ATAD3B: variants seen among roughly 807,000 people sequenced by gnomAD.
ATAD3B encodes ATPase family AAA domain containing 3B.
A neutral mutation model predicts 70.2 loss-of-function variants in ATAD3B; 59 were observed. The ratio of observed to expected loss-of-function variants is 0.84; its 90% CI spans 0.68 to 1.04. The LOEUF (loss-of-function observed/expected upper bound fraction) is 1.04, where lower values mean the gene tolerates loss of function less well. Among genes scored for constraint, ATAD3B ranks in the 50% least tolerant of loss-of-function variants. ATAD3B has a pLI of 0.00. For missense variants in ATAD3B, 961 were observed against 913.4 expected (o/e 1.05, Z -0.67); for synonymous variants, 423 against 388.6 (o/e 1.09, Z -1.04).
At chr1:1,489,594 A>G in intron 13 of ATAD3B, 1 of 1,189,346 alleles carries the variant, frequency 8.4e-7, no homozygotes, top group Non-Finnish European at 1.2e-6. Context: ...GCTGCCGCCC[A>G]GAGGTCCCCA....
Position 1,489,299 on chromosome 1 carries a change from G to A in ATAD3B, c.1337+25G>A, listed in dbSNP as rs1640400925. 1.9e-6 allele frequency: 3 copies of A among 1,613,134 alleles called. No homozygotes were observed. The East Asian group carries it at 6.7e-5, about 36-fold the overall frequency. On this transcript the variant is annotated intron_variant, in intron 13 of 15. Transcript: ENST00000673477. ...AGTGAGGGAGCCCCTCGGGTCCTGA[G>A]CCCCCGGGCAGGGCTGTGCAGCCGT...
At chr1:1,489,620 CTA>C in intron 13 of ATAD3B, 1 of 1,313,740 alleles carries the variant, frequency 7.6e-7, no homozygotes, top group South Asian at 1.3e-5. Context: ...GTGACCGGCC[CTA>C]TGTCCAGGCT....
At chr1:1,480,065 A>G (rs1449677906) in intron 4 of ATAD3B, among the ~76,000 whole-genome samples, 1 of 144,588 alleles carries the variant, frequency 6.9e-6, no homozygotes, top group African/African-American at 2.6e-5. Context: ...GGGCACGCAC[A>G]CAGTCCCACA....
rs1390427944 is a variant in ATAD3B, at chr1:1,471,811, G to C, written c.-74G>C. 8.1e-7 allele frequency: 1 copy of C among 1,230,260 alleles called. No homozygotes were observed. The highest frequency in any genetic ancestry group is 1.6e-5 in the African/African-American group (1 of 63,422). The allele number at this position is 1,230,260 out of a possible 1,614,324, so 76.2% of individuals were successfully genotyped here. A position where few individuals can be genotyped will look rare whatever the true frequency, so the allele number is the denominator to read the frequency against. ...TGGCCACCGGCTCGCGGCGCGTGGA[G>C]GCTGCTCCCAGCCGCGCCCGAGTCA... On this transcript the variant is annotated 5_prime_UTR_variant, in exon 1 of 16. Coordinates refer to ENST00000673477, the MANE Select transcript of ATAD3B (RefSeq NM_031921.6).
chr1:1,495,413 C>G (rs919162580), intron 15 of ATAD3B, 72 bp from the exon 16 acceptor site: 3 of 1,523,786 alleles, frequency 2.0e-6, no homozygotes. Context: ...CTCCCCACCT[C>G]GGGGCCCTGG....
At chr1:1,478,997 C>G in intron 3 of ATAD3B, 52 bp from the exon 4 acceptor site, 1 of 884,786 alleles carries the variant, frequency 1.1e-6, no homozygotes, top group Non-Finnish European at 1.7e-6. Flanking sequence ...CCAGTCGGCC[C>G]AGACTGCAGC....
chr1:1,487,635 C>T (rs867103672), intron 11 of ATAD3B, among the ~76,000 whole-genome samples: 1 of 151,928 alleles, frequency 6.6e-6, no homozygotes, highest in Non-Finnish European at 1.5e-5. Flanking sequence ...GAGTCTGTTG[C>T]CCCCTGTGTA....
chr1:1,490,859 G>A lies in ATAD3B; in HGVS notation c.1614+188G>A, dbSNP rs865987048. On this transcript the variant is annotated intron_variant, in intron 15 of 15. Coordinates refer to ENST00000673477, the MANE Select transcript of ATAD3B (RefSeq NM_031921.6). Reference sequence around the variant, plus strand: ...TCCACGCAGCAGCGTGCACCTGCTCGTGCCCTCAGGAGGGTGGGGCCATGT... The same window carrying A: ...TCCACGCAGCAGCGTGCACCTGCTCATGCCCTCAGGAGGGTGGGGCCATGT... 7.2e-5 allele frequency among the ~76,000 whole-genome samples: 11 copies of A among 152,070 alleles called. 1 individual carries two copies. Among genetic ancestry groups the A allele is most frequent in the East Asian group, 3.9e-4 (2 of 5,190 alleles).
chr1:1,502,274 G>C (rs189949398), downstream of ATAD3B, among the ~76,000 whole-genome samples: 457 of 151,374 alleles, frequency 3.0e-3, 1 homozygote, highest in Admixed American at 5.3e-3. Context: ...GAGTGCAGTG[G>C]CATAACCTCG....
In ATAD3B at chr1:1,484,878, C is replaced by T. The variant is rs1211523169; in HGVS notation, c.751-138C>T. On this transcript the variant is annotated intron_variant, in intron 7 of 15. Transcript: ENST00000673477. ...GCTGTGGGATTCGGGGCTGGGAATTCGGGTTCCTGTGGGGCCAGCACACGG... is the reference window on the plus strand; with the variant it reads ...GCTGTGGGATTCGGGGCTGGGAATTTGGGTTCCTGTGGGGCCAGCACACGG... 5.6e-6 allele frequency: 8 copies of T among 1,429,078 alleles called. No individual in the cohort carries two copies. In the South Asian group the frequency reaches 5.9e-5, roughly 10 times the overall value. 88.5% of individuals were successfully genotyped at this position (1,429,078 alleles called of 1,614,324 possible).
At chr1:1,486,523 C>G (rs767788401) in intron 10 of ATAD3B, 21 bp from the exon 11 acceptor site, 1 of 1,611,698 alleles carries the variant, frequency 6.2e-7, no homozygotes. Context: ...TGTTCTGTCT[C>G]CCCTCACTCT....
At position 1,476,304 on chromosome 1, in the gene ATAD3B, C is replaced by T. The variant is rs545749688; in HGVS notation, c.206-970C>T. The stretch of plus-strand genomic sequence containing the variant: ...GTCTAAATGCAACGAGTGCTCCCCA[C>T]GGCACTTCCCCCTGCGTCAGTCACC... On this transcript the variant is annotated intron_variant, in intron 1 of 15. Coordinates refer to ENST00000673477, the MANE Select transcript of ATAD3B (RefSeq NM_031921.6). 2.0e-3 allele frequency among the ~76,000 whole-genome samples: 301 copies of T among 148,592 alleles called. 3 individuals carry two copies. The highest frequency in any genetic ancestry group is 7.1e-3 in the African/African-American group (278 of 39,138).
At position 1,473,789 on chromosome 1, in the gene ATAD3B, C is replaced by T. The variant is rs1240738; in HGVS notation, c.205+1700C>T. On this transcript the variant is annotated intron_variant, in intron 1 of 15. Transcript: ENST00000673477. The stretch of plus-strand genomic sequence containing the variant: ...GATTACAGTCCTGAGCCACCGCACC[C>T]TGCCAGCAGGGGTTCCTTTTTAGAA... Among the ~76,000 whole-genome samples the T allele has an allele frequency of 6.5e-3, 994 of 152,184 alleles. 11 individuals are homozygous for T. The highest frequency in any genetic ancestry group is 0.022 in the African/African-American group (910 of 41,538).
the ATAD3B span, among the ~76,000 whole-genome samples, chr1:1,506,125 T>C: frequency 3.3e-5 from 5 of 152,060 alleles, no homozygotes; most frequent in Admixed American, 2.0e-4. Flanking sequence ...CCTACCTACC[T>C]GGGAGGCTGA....
intron 1 of ATAD3B, among the ~76,000 whole-genome samples, chr1:1,477,070 G>C (rs1443870948): frequency 6.6e-6 from 1 of 151,886 alleles, no homozygotes; most frequent in Non-Finnish European, 1.5e-5. Flanking sequence ...GAGTGCAGCA[G>C]TGTGATCTGG....
At chr1:1,477,483 G>A in intron 2 of ATAD3B, 133 bp downstream of exon 2, 1 of 1,455,348 alleles carries the variant, frequency 6.9e-7, no homozygotes, top group Non-Finnish European at 9.4e-7. Context: ...GCCGAGCTTG[G>A]GCGCCTCATT....
intron 1 of ATAD3B, among the ~76,000 whole-genome samples, chr1:1,475,298 C>G (rs1399594271): frequency 6.6e-6 from 1 of 151,244 alleles, no homozygotes; most frequent in Admixed American, 6.6e-5. Flanking sequence ...TTCTCTCCTT[C>G]CTGGCCTCAC....
At position 1,496,405 on chromosome 1, in the gene ATAD3B, C is replaced by G. The variant is rs190486893; in HGVS notation, c.*588C>G. 1.9e-3 allele frequency: 459 copies of G among 242,872 alleles called. 1 individual carries two copies. Among genetic ancestry groups the G allele is most frequent in the African/African-American group, 9.8e-3 (424 of 43,092 alleles). The allele number at this position is 242,872 out of a possible 1,614,324, so 15.0% of individuals were successfully genotyped here. ...GCCCGGGACTGCCGCCTGCGCCCCACCAGCCCCTCCCTCCTGAAGGAGGGG... is the reference window on the plus strand; with the variant it reads ...GCCCGGGACTGCCGCCTGCGCCCCAGCAGCCCCTCCCTCCTGAAGGAGGGG... On this transcript the variant is annotated 3_prime_UTR_variant, in exon 16 of 16. Transcript: ENST00000673477.
At chr1:1,489,622 A>G (rs1459748573) in intron 13 of ATAD3B, 34 of 1,317,042 alleles carry the variant, frequency 2.6e-5, no homozygotes, top group Non-Finnish European at 3.0e-5. Flanking sequence ...GACCGGCCCT[A>G]TGTCCAGGCT....
Sources: allele counts gnomAD v4.1 joint callset (sites outside exome capture counted in the v4.1 genomes callset), GRCh38; gene constraint gnomAD v4.1.1; transcripts MANE v1.5; gene names NCBI Gene and HGNC (gene_info 2026-07-23, HGNC 2026-07-21).